ERCC5: variants seen among roughly 807,000 people sequenced by gnomAD.
The protein encoded by ERCC5 is DNA excision repair protein ERCC-5.
A neutral mutation model predicts 105.6 loss-of-function variants in ERCC5; 68 were observed. The observed-to-expected ratio is 0.64, with a 90% CI of 0.53 to 0.79. The LOEUF (loss-of-function observed/expected upper bound fraction) is 0.79, where lower values mean the gene tolerates loss of function less well. Ranked by LOEUF, ERCC5 falls within the 30% of genes least tolerant of loss-of-function variation. ERCC5 has a pLI of 0.00. For missense variants in ERCC5, 1,373 were observed against 1,426.7 expected, an observed-to-expected ratio of 0.96 and a Z score of 0.61; for synonymous variants, 546 against 526.2, an observed-to-expected ratio of 1.04 and a Z score of -0.51.
intron 14 of ERCC5, among the ~76,000 whole-genome samples, chr13:102,874,574 T>G (rs900646179): frequency 3.3e-5 from 5 of 152,166 alleles, no homozygotes; most frequent in Non-Finnish European, 7.4e-5. Context: ...CAGGCTGGAG[T>G]GCAGTGGTGA....
chr13:102,865,664 C>T lies in ERCC5; in HGVS notation c.1955-3C>T, dbSNP rs2140531084. 1.2e-6 allele frequency: 2 copies of T among 1,613,344 alleles called. No homozygotes were observed. The highest frequency in any genetic ancestry group is 8.5e-7 in the Non-Finnish European group (1 of 1,179,734). The stretch of plus-strand genomic sequence containing the variant: ...ATGAAGTGACCTTTTAATTTTGGTA[C>T]AGGAAGTTTCATTGAAGTGCAAAGT... On this transcript the variant is annotated splice_polypyrimidine_tract_variant and splice_region_variant and intron_variant, in intron 8 of 14. Transcript: ENST00000652225. This position sits in a 1 kb window ranked among gnomAD's most constrained non-coding sequence, Gnocchi z 4.0.
chr13:102,856,190 A>T, intron 5 of ERCC5, 78 bp downstream of exon 5: 1 of 1,452,804 alleles, frequency 6.9e-7, no homozygotes, highest in Non-Finnish European at 9.6e-7. Context: ...TTAATGAGGT[A>T]TATCAAACTG....
chr13:102,868,016 T>C, intron 11 of ERCC5, 97 bp from the exon 12 acceptor site: 1 of 1,167,074 alleles, frequency 8.6e-7, no homozygotes, highest in Admixed American at 2.2e-5. Context: ...TGGATATAGA[T>C]ATAGATATAC....
At position 102,875,969 on chromosome 13, in the gene ERCC5, G is replaced by T. The variant is rs1398859639; in HGVS notation, c.*66G>T. On this transcript the variant is annotated 3_prime_UTR_variant, in exon 15 of 15. Transcript: ENST00000652225. ...TTTGTAATGAATTTGTCGCAAAGACGTAATAAAATTAACTGGTGGCACGGT... is the reference window on the plus strand; with the variant it reads ...TTTGTAATGAATTTGTCGCAAAGACTTAATAAAATTAACTGGTGGCACGGT... 1.3e-6 allele frequency: 2 copies of T among 1,574,808 alleles called. No individual in the cohort carries two copies. Among genetic ancestry groups the T allele is most frequent in the Non-Finnish European group, 8.6e-7 (1 of 1,162,770 alleles).
Position 102,875,782 on chromosome 13 carries a change from G to C in ERCC5, c.3440G>C (p.Ser1147Thr). 6 of 1,614,146 alleles carry C rather than the reference G, an allele frequency of 3.7e-6. No homozygotes were observed. The highest frequency in any genetic ancestry group is 5.1e-6 in the Non-Finnish European group (6 of 1,180,034). Residue 1147 changes from serine (S) to threonine (T), a missense_variant, in exon 15 of 15, where the codon AGC becomes ACC. By Grantham distance (58) the Ser-to-Thr change is moderately conservative (BLOSUM62 1). Around this residue, in one of 3 missense-constraint regions of ERCC5, gnomAD observed 367 missense variants for 350.2 expected, o/e 1.05. Transcript: ENST00000652225. ...AAGAATGGAGGTGCGACCACCAGCA[G>C]CTCTAGTGATAGTGATGACGATGGA... ...PVKNGGATTS[S>T]SSDSDDDGGK...
chr13:102,871,942 C>T (rs753390782), intron 12 of ERCC5, among the ~76,000 whole-genome samples: 5 of 152,022 alleles, frequency 3.3e-5, no homozygotes, highest in African/African-American at 4.8e-5. Flanking sequence ...GTGAGGGTAA[C>T]GATAGGGCAT....
chr13:102,849,527 A>G (rs1415541338), intron 1 of ERCC5: 12 of 450,534 alleles, frequency 2.7e-5, no homozygotes, highest in Non-Finnish European at 4.5e-6. Flanking sequence ...CTTGCTTTCC[A>G]CTAGGTATTT....
chr13:102,853,710 G>T, intron 2 of ERCC5, 47 bp from the exon 3 acceptor site: 5 of 1,565,126 alleles, frequency 3.2e-6, no homozygotes, highest in Non-Finnish European at 3.5e-6. Context: ...AATGTTTCTA[G>T]TGGTCTAATA....
intron 12 of ERCC5, 137 bp downstream of exon 12, chr13:102,868,394 G>C: frequency 8.0e-7 from 1 of 1,255,254 alleles, no homozygotes; most frequent in Non-Finnish European, 1.1e-6. Context: ...GAAAGTATTG[G>C]TTGTTTTCCA....
intron 1 of ERCC5, among the ~76,000 whole-genome samples, chr13:102,848,561 G>C (rs1301818988): frequency 2.0e-5 from 3 of 152,138 alleles, no homozygotes; most frequent in Non-Finnish European, 2.9e-5. Context: ...AGATTTTTAA[G>C]TCACCTAACT....
At chr13:102,860,234 G>A (rs1182697616) in intron 6 of ERCC5, among the ~76,000 whole-genome samples, 1 of 152,144 alleles carries the variant, frequency 6.6e-6, no homozygotes, top group Non-Finnish European at 1.5e-5. Context: ...AAAGGTGAAA[G>A]TTCTTGAATT....
intron 2 of ERCC5, among the ~76,000 whole-genome samples, chr13:102,852,948 T>C (rs1267643470): frequency 1.3e-5 from 2 of 152,154 alleles, no homozygotes; most frequent in African/African-American, 4.8e-5. Context: ...GTTTAAACAG[T>C]CCAAATGACA....
chr13:102,846,243 C>G lies in ERCC5; in HGVS notation c.-24C>G, dbSNP rs1374073145. 6.2e-7 allele frequency: 1 copy of G among 1,603,140 alleles called. No individual in the cohort carries two copies. The highest frequency in any genetic ancestry group is 8.5e-7 in the Non-Finnish European group (1 of 1,172,306). ...GAATTAGAGTAGAAGTTGTCGGGGT[C>G]CGCTCTTAGGACGCAGCCGCCTCAT... On this transcript the variant is annotated 5_prime_UTR_variant, in exon 1 of 15. Coordinates refer to ENST00000652225, the MANE Select transcript of ERCC5 (RefSeq NM_000123.4).
At chr13:102,856,000 G>T in intron 4 of ERCC5, 52 bp from the exon 5 acceptor site, 1 of 1,571,522 alleles carries the variant, frequency 6.4e-7, no homozygotes. Context: ...AAGTATTTTT[G>T]TAAGGGGTCC....
In ERCC5 at chr13:102,875,824, T is replaced by A. The variant is rs1883202861; in HGVS notation, c.3482T>A (p.Val1161Asp). The change falls in exon 15 of 15, where the codon GTC becomes GAC. Residue 1161 changes from valine to aspartate, a missense_variant. Val to Asp is a radical substitution (Grantham distance 152). Transcript: ENST00000652225. The part of the protein sequence containing the change: ...SDDDGGKEKM[V>D]LVTARSVFGK... ...GACGATGGAGGGAAAGAGAAGATGGTCCTCGTGACCGCCAGATCTGTGTTT... is the reference window on the plus strand; with the variant it reads ...GACGATGGAGGGAAAGAGAAGATGGACCTCGTGACCGCCAGATCTGTGTTT... The A allele has an allele frequency of 6.2e-7, 1 of 1,613,490 alleles. No individual in the cohort carries two copies.
intron 12 of ERCC5, among the ~76,000 whole-genome samples, chr13:102,869,121 G>A (rs767889750): frequency 1.8e-4 from 28 of 152,172 alleles, no homozygotes; most frequent in Non-Finnish European, 3.2e-4. Flanking sequence ...TTTGAAAGAT[G>A]CTAGGATGCT....
intron 8 of ERCC5, among the ~76,000 whole-genome samples, chr13:102,863,850 A>T (rs1882736520): frequency 6.6e-6 from 1 of 152,170 alleles, no homozygotes; most frequent in Admixed American, 6.5e-5. Context: ...ACCAGATTTG[A>T]ATCCCTATTC....
intron 5 of ERCC5, 73 bp from the exon 6 acceptor site, chr13:102,858,202 C>T (rs916741753): frequency 1.3e-6 from 2 of 1,590,698 alleles, no homozygotes; most frequent in Non-Finnish European, 8.6e-7. Flanking sequence ...AAACATAATA[C>T]ATATCCTTAA....
chr13:102,865,992 T>G lies in ERCC5; in HGVS notation c.2199+81T>G. On this transcript the variant is annotated intron_variant, in intron 9 of 14. Transcript: ENST00000652225. The surrounding 1 kb of genome is among the most constrained non-coding windows in gnomAD (Gnocchi z 4.0). ...TTTTGAGTTTTAAGGAGTTGGTGGA[T>G]GAGTATTTAGTAGCTATTTGCAGTA... The G allele has an allele frequency of 6.2e-7, 1 of 1,610,782 alleles. No individual in the cohort carries two copies. The highest frequency in any genetic ancestry group is 1.1e-5 in the South Asian group (1 of 90,244).
Sources: gnomAD v4.1 joint callset for allele counts (sites outside exome capture counted in the v4.1 genomes callset) on GRCh38, gnomAD v4.1.1 for gene constraint, gnomAD v4.1.1 regional missense constraint, Gnocchi (gnomAD v3.1) non-coding constraint, MANE v1.5 for transcripts, NCBI Gene and HGNC (gene_info 2026-07-23, HGNC 2026-07-21) for gene names.